The following GNG7 variants were observed in gnomAD, a reference collection of about 807,000 sequenced individuals.
GNG7 encodes the protein G protein subunit gamma 7, also known as guanine nucleotide-binding protein G(I)/G(S)/G(O) subunit gamma-7.
Under a neutral mutation model 4.0 loss-of-function variants are expected in GNG7, and 1 was observed. That is an observed-to-expected ratio of 0.25 (90% CI 0.09 to 1.18). The LOEUF (loss-of-function observed/expected upper bound fraction) is 1.18. GNG7 is among the 50% of genes most tolerant of loss of function. The pLI is 0.50. For missense variants in GNG7, 86 were observed against 91.9 expected, an observed-to-expected ratio of 0.94 and a Z score of 0.26; for synonymous variants, 34 against 36.9, an observed-to-expected ratio of 0.92 and a Z score of 0.29.
At chr19:2,673,692 TAAAA>T (rs61065013) in intron 1 of GNG7, among the ~76,000 whole-genome samples, 2 of 128,164 alleles carry the variant, frequency 1.6e-5, no homozygotes, top group Non-Finnish European at 1.7e-5. Flanking sequence ...AGACTCCATC[TAAAA>T]AAAAAAAAAA....
intron 2 of GNG7, among the ~76,000 whole-genome samples, chr19:2,640,228 G>A (rs1982469898): frequency 6.7e-6 from 1 of 150,270 alleles, no homozygotes; most frequent in South Asian, 2.1e-4. Flanking sequence ...GAAAGAGAGA[G>A]GGAGAAGGAA....
At chr19:2,537,292 C>A (rs1978773953) in intron 3 of GNG7, among the ~76,000 whole-genome samples, 1 of 152,142 alleles carries the variant, frequency 6.6e-6, no homozygotes, top group Admixed American at 6.6e-5. Flanking sequence ...GTTGTCCAGG[C>A]TGGAGTGCAG....
At chr19:2,608,498 G>A (rs951414564) in intron 2 of GNG7, among the ~76,000 whole-genome samples, 1 of 152,144 alleles carries the variant, frequency 6.6e-6, no homozygotes, top group African/African-American at 2.4e-5. Context: ...ATCCAGGGAC[G>A]GGCAGCAGGC....
At chr19:2,624,257 C>T (rs756193781) in intron 2 of GNG7, among the ~76,000 whole-genome samples, 8 of 151,594 alleles carry the variant, frequency 5.3e-5, no homozygotes, top group Admixed American at 1.3e-4. Context: ...GGGCCGGGCG[C>T]GGTGGCTCAC....
intron 1 of GNG7, among the ~76,000 whole-genome samples, chr19:2,667,544 C>T (rs1162318995): frequency 6.6e-6 from 1 of 151,682 alleles, no homozygotes; most frequent in Non-Finnish European, 1.5e-5. Flanking sequence ...TTTGGGAGGC[C>T]GAGGCAGGAG....
chr19:2,528,093 C>A (rs1978467612), intron 3 of GNG7, among the ~76,000 whole-genome samples: 1 of 151,032 alleles, frequency 6.6e-6, no homozygotes, highest in Non-Finnish European at 1.5e-5. Context: ...CATGGTGAAA[C>A]CCCCACGTCT....
chr19:2,661,270 A>AAAGAAAGAAAAGAAAGAAAGAAAGAAAGG (rs1568277669), intron 1 of GNG7, among the ~76,000 whole-genome samples: 1 of 70,928 alleles, frequency 1.4e-5, no homozygotes, highest in African/African-American at 6.5e-5. Flanking sequence ...AGAAAGAAAG[A>AAAGAAAGAAAAGAAAGAAAGAAAGAAAGG]AAAGAAAGAA....
At chr19:2,608,099 A>G (rs1030610401) in intron 2 of GNG7, among the ~76,000 whole-genome samples, 19 of 148,906 alleles carry the variant, frequency 1.3e-4, no homozygotes, top group African/African-American at 4.7e-4. Context: ...AAGGTGGAGG[A>G]AAAAAAAAAT....
In GNG7 at chr19:2,559,639, C is replaced by T. The variant is rs550968775; in HGVS notation, c.-77-4451G>A. On this transcript the variant is annotated intron_variant, in intron 2 of 4. Transcript: ENST00000382159. ...AAGCGATTCTCCTGCCTCAGCCTCC[C>T]GAGTAGCTGGGATTACAGGCATGCA... Among the ~76,000 whole-genome samples, 17 of 151,688 alleles carry T rather than the reference C, an allele frequency of 1.1e-4. No homozygotes were observed. The South Asian group carries it at 2.1e-3, about 19-fold the overall frequency.
In GNG7 at chr19:2,644,034, T is replaced by C. The variant is rs149872541; in HGVS notation, c.-78+2190A>G. ...ATCTACACTTTATTTTATTTTATTATTTCTGAGATGGAGTCTCGCTCTGTC... is the reference window on the plus strand; with the variant it reads ...ATCTACACTTTATTTTATTTTATTACTTCTGAGATGGAGTCTCGCTCTGTC... On this transcript the variant is annotated intron_variant, in intron 2 of 4. Coordinates refer to ENST00000382159, the MANE Select transcript of GNG7 (RefSeq NM_052847.3). 9.7e-4 allele frequency among the ~76,000 whole-genome samples: 148 copies of C among 152,200 alleles called. 5 individuals are homozygous for C. In the East Asian group the frequency reaches 0.026, roughly 26 times the overall value.
intron 3 of GNG7, among the ~76,000 whole-genome samples, chr19:2,528,162 T>G (rs933531877): frequency 6.6e-6 from 1 of 150,608 alleles, no homozygotes; most frequent in Non-Finnish European, 1.5e-5. Context: ...TTCTAGCTAC[T>G]CAGGAGGCTG....
At chr19:2,568,230 C>T (rs1568246771) in intron 2 of GNG7, among the ~76,000 whole-genome samples, 2 of 151,676 alleles carry the variant, frequency 1.3e-5, no homozygotes, top group South Asian at 2.1e-4. Context: ...CATGCACACA[C>T]GTGCACATAC....
At chr19:2,678,281 T>A (rs985976813) in intron 1 of GNG7, among the ~76,000 whole-genome samples, 2 of 152,132 alleles carry the variant, frequency 1.3e-5, no homozygotes, top group African/African-American at 2.4e-5. Context: ...GGGAGCGAGA[T>A]ATACAAGAAG....
intron 2 of GNG7, among the ~76,000 whole-genome samples, chr19:2,558,048 A>T (rs911710888): frequency 4.6e-5 from 7 of 152,028 alleles, no homozygotes; most frequent in Non-Finnish European, 2.9e-5. Context: ...TCACCGTGTT[A>T]GCCAGGATGG....
intron 2 of GNG7, among the ~76,000 whole-genome samples, chr19:2,560,950 G>A (rs1400159741): frequency 1.4e-5 from 1 of 73,628 alleles, no homozygotes; most frequent in African/African-American, 4.6e-5. Context: ...GAAGGAGACT[G>A]TTTCAAAAAA....
In GNG7 at chr19:2,520,710, C is replaced by T. The variant is rs981088498; in HGVS notation, c.-22G>A. ...ACATTGTCTGCCATCAGCTCTGGGC[C>T]CCGTTGTTCAGAGAGCTGTGGGGGA... On this transcript the variant is annotated 5_prime_UTR_variant, in exon 4 of 5. Coordinates refer to ENST00000382159, the MANE Select transcript of GNG7 (RefSeq NM_052847.3). The T allele has an allele frequency of 2.1e-6, 3 of 1,449,114 alleles. No individual in the cohort carries two copies. Among genetic ancestry groups the T allele is most frequent in the Non-Finnish European group, 2.8e-6 (3 of 1,053,962 alleles). The allele number at this position is 1,449,114 out of a possible 1,614,324, so 89.8% of individuals were successfully genotyped here. A position where few individuals can be genotyped will look rare whatever the true frequency, so the allele number is the denominator to read the frequency against.
intron 1 of GNG7, among the ~76,000 whole-genome samples, chr19:2,676,950 C>T (rs1284504361): frequency 2.0e-5 from 3 of 152,174 alleles, no homozygotes; most frequent in East Asian, 3.8e-4. Context: ...GGGCTGATTT[C>T]CACCCAGGCA....
At chr19:2,551,183 G>C (rs1979306729) in intron 3 of GNG7, among the ~76,000 whole-genome samples, 1 of 152,230 alleles carries the variant, frequency 6.6e-6, no homozygotes, top group African/African-American at 2.4e-5. Context: ...GCTCAGGGCA[G>C]GCTCCAGGGA....
intron 1 of GNG7, among the ~76,000 whole-genome samples, chr19:2,661,397 C>T (rs1412473912): frequency 6.6e-6 from 1 of 151,250 alleles, no homozygotes; most frequent in African/African-American, 2.4e-5. Context: ...TGGCTCATGC[C>T]TATAATCCCA....
Sources: allele counts gnomAD v4.1 joint callset (sites outside exome capture counted in the v4.1 genomes callset), GRCh38; gene constraint gnomAD v4.1.1; transcripts MANE v1.5; gene names NCBI Gene and HGNC (gene_info 2026-07-23, HGNC 2026-07-21).